The following SPATA21 variants were observed in gnomAD, a reference collection of about 807,000 sequenced individuals.
SPATA21 encodes spermatogenesis-associated protein 21.
SPATA21 carries 47 observed loss-of-function variants against 54.8 expected under a neutral mutation model. The ratio of observed to expected loss-of-function variants is 0.86; its 90% CI spans 0.68 to 1.09. The LOEUF (loss-of-function observed/expected upper bound fraction) is 1.09. Among genes scored for constraint, SPATA21 ranks in the 50% least tolerant of loss-of-function variants. The pLI, the probability that SPATA21 is intolerant of heterozygous loss-of-function variation, is 0.00. For missense variants in SPATA21, 599 were observed against 596.4 expected, an observed-to-expected ratio of 1.00 and a Z score of -0.05; for synonymous variants, 245 against 235.3, an observed-to-expected ratio of 1.04 and a Z score of -0.38.
intron 5 of SPATA21, among the ~76,000 whole-genome samples, chr1:16,417,266 C>CTT (rs200976360): frequency 1.3e-5 from 2 of 151,416 alleles, no homozygotes; most frequent in African/African-American, 2.4e-5. Flanking sequence ...TTTTCTTTGC[C>CTT]TTTTTTCTTT....
chr1:16,417,408 G>A (rs1336744266), intron 5 of SPATA21, among the ~76,000 whole-genome samples: 1 of 150,224 alleles, frequency 6.7e-6, no homozygotes, highest in Non-Finnish European at 1.5e-5. Context: ...ACAGGTGCCT[G>A]CCACCATGCC....
intron 12 of SPATA21, among the ~76,000 whole-genome samples, chr1:16,399,059 A>G (rs2085363626): frequency 6.6e-6 from 1 of 152,186 alleles, no homozygotes; most frequent in Admixed American, 6.5e-5. Context: ...ACAGTCTGCT[A>G]GTCCTAATAT....
intron 1 of SPATA21, among the ~76,000 whole-genome samples, chr1:16,433,548 T>G (rs937488750): frequency 2.6e-5 from 4 of 152,132 alleles, no homozygotes; most frequent in Admixed American, 6.5e-5. Context: ...CCTACGCCCC[T>G]CAAACACACC....
Position 16,403,822 on chromosome 1 carries a change from C to T in SPATA21, c.906G>A (p.Met302Ile). The T allele has an allele frequency of 6.2e-7, 1 of 1,610,570 alleles. No homozygotes were observed. The highest frequency in any genetic ancestry group is 1.1e-5 in the South Asian group (1 of 90,484). The change falls in exon 10 of 13, where the codon ATG (methionine) becomes ATA (isoleucine). Residue 302 changes from methionine (M) to isoleucine (I), a missense_variant. Physicochemically the swap from Met to Ile is conservative, Grantham distance 10 (BLOSUM62 1). Transcript: ENST00000335496. ...GTAGAGTGTGGGGGTTGTGGGGAGC[C>T]ATGTCCGACAGGGCGTTCTGTTCTG... ...CSVEQNALSD[M>I]APHNPHTLLF...
In SPATA21 at chr1:16,428,595, C is replaced by T. The variant is rs769821743; in HGVS notation, c.34+2743G>A. Among the ~76,000 whole-genome samples the T allele has an allele frequency of 1.3e-5, 2 of 151,642 alleles. No homozygotes were observed. The highest frequency in any genetic ancestry group is 2.9e-5 in the Non-Finnish European group (2 of 67,938). ...TTTTTTTTGTAGGCCAGGCTGGTCT[C>T]GAACTTCTGACCTCAAGTGATCCGT... On this transcript the variant is annotated intron_variant, in intron 3 of 12. Coordinates refer to ENST00000335496, the MANE Select transcript of SPATA21 (RefSeq NM_198546.1). This position sits in a 1 kb window ranked among gnomAD's most constrained non-coding sequence, Gnocchi z 4.3.
At chr1:16,435,970 C>T (rs936258203) in intron 1 of SPATA21, among the ~76,000 whole-genome samples, 7 of 152,074 alleles carry the variant, frequency 4.6e-5, no homozygotes, top group Non-Finnish European at 8.8e-5. Context: ...TCCCATTTAT[C>T]GGCCTGGTGC....
upstream of SPATA21, chr1:16,437,427 C>T (rs948650624): frequency 1.3e-5 from 2 of 152,218 alleles, no homozygotes; most frequent in Non-Finnish European, 2.9e-5. Flanking sequence ...GGTTCAGTGG[C>T]CCCCATTACA....
In SPATA21 at chr1:16,405,029, A is replaced by T. The variant is rs1324834876; in HGVS notation, c.749T>A (p.Leu250Gln). Residue 250 changes from leucine (L) to glutamine (Q), a missense_variant, in exon 8 of 13, where the codon CTA becomes CAA. Transcript: ENST00000335496. ...GGCCAGCGTCACAGAGAAGCCCATT[A>T]GGAGCAGGATATTCTTCAGGCTCTG... ...DAQSLKNILL[L>Q]MGFSVTLAQV... 1.2e-6 allele frequency: 2 copies of T among 1,609,566 alleles called. No homozygotes were observed. The highest frequency in any genetic ancestry group is 1.7e-6 in the Non-Finnish European group (2 of 1,178,616).
Position 16,428,016 on chromosome 1 carries a change from C to T in SPATA21, c.34+3322G>A. On this transcript the variant is annotated intron_variant, in intron 3 of 12. Coordinates refer to ENST00000335496, the MANE Select transcript of SPATA21 (RefSeq NM_198546.1). This position sits in a 1 kb window ranked among gnomAD's most constrained non-coding sequence, Gnocchi z 4.3. ...CTTCCGAAGCATCCGGAAACATGAC[C>T]TGGACAGAGATATCCATGGCAGTGG... 6.5e-7 allele frequency: 1 copy of T among 1,548,218 alleles called. No homozygotes were observed. The highest frequency in any genetic ancestry group is 8.7e-7 in the Non-Finnish European group (1 of 1,145,194).
chr1:16,408,030 G>A (rs879761249), intron 7 of SPATA21, among the ~76,000 whole-genome samples: 3 of 128,110 alleles, frequency 2.3e-5, no homozygotes, highest in Non-Finnish European at 5.4e-5. Flanking sequence ...GGCTCCCAAA[G>A]TGCTGGGATT....
At chr1:16,420,954 CA>C (rs1382976817) in intron 5 of SPATA21, among the ~76,000 whole-genome samples, 1 of 152,110 alleles carries the variant, frequency 6.6e-6, no homozygotes, top group Non-Finnish European at 1.5e-5. Context: ...TTAAGCTGCT[CA>C]ACATGGGTAC....
chr1:16,398,791 T>C lies in SPATA21; in HGVS notation c.1384A>G (p.Ser462Gly), dbSNP rs201738222. Residue 462 changes from serine (S) to glycine (G), a missense_variant, in exon 13 of 13, where the codon AGC becomes GGC. By Grantham distance (56) the Ser-to-Gly change is moderately conservative. Transcript: ENST00000335496. ...CAGTGGGTTCGAGCTGGCACAGAGC[T>C]GAGCCACTTTCTGCTGTCAGAGTTG... Reference protein sequence around the residue: ...EHNSDSRKWLSSVPARTH With the variant: ...EHNSDSRKWLGSVPARTH 10 of 1,613,636 alleles carry C rather than the reference T, an allele frequency of 6.2e-6. No individual in the cohort carries two copies. The highest frequency in any genetic ancestry group is 5.1e-6 in the Non-Finnish European group (6 of 1,179,782).
intron 7 of SPATA21, chr1:16,408,599 G>T: frequency 2.2e-6 from 2 of 920,872 alleles, no homozygotes; most frequent in Non-Finnish European, 2.6e-6. Flanking sequence ...GAGGCTGGGC[G>T]CGGTGGCTCA....
chr1:16,423,290 G>A (rs1361163496), intron 3 of SPATA21, among the ~76,000 whole-genome samples: 3 of 149,750 alleles, frequency 2.0e-5, no homozygotes, highest in Non-Finnish European at 4.4e-5. Context: ...GTACGTGCCT[G>A]TAATCCCAGC....
At chr1:16,412,161 G>A (rs1187946604) in intron 5 of SPATA21, among the ~76,000 whole-genome samples, 4 of 152,034 alleles carry the variant, frequency 2.6e-5, no homozygotes, top group African/African-American at 9.7e-5. Context: ...GAGACCCAGG[G>A]ATTTGTCCTC....
intron 3 of SPATA21, among the ~76,000 whole-genome samples, chr1:16,424,422 T>A (rs981497803): frequency 2.6e-5 from 4 of 151,550 alleles, no homozygotes; most frequent in African/African-American, 9.7e-5. Context: ...TTTATTTTTT[T>A]ATTTTTATTT....
intron 8 of SPATA21, 118 bp downstream of exon 8, chr1:16,404,849 T>C (rs957610654): frequency 6.1e-6 from 7 of 1,146,310 alleles, no homozygotes; most frequent in Non-Finnish European, 7.0e-6. Context: ...ACTGTGACAG[T>C]AGAGCATTAA....
intron 10 of SPATA21, among the ~76,000 whole-genome samples, chr1:16,403,339 G>GC (rs1386878491): frequency 6.6e-6 from 1 of 152,194 alleles, no homozygotes; most frequent in Non-Finnish European, 1.5e-5. Flanking sequence ...CTCAAAGCCA[G>GC]TGCGCACAGA....
chr1:16,423,394 C>T (rs1269594582), intron 3 of SPATA21, among the ~76,000 whole-genome samples: 2 of 110,406 alleles, frequency 1.8e-5, no homozygotes, highest in Admixed American at 1.2e-4. Flanking sequence ...GCCTGGGCAA[C>T]AGGGTGAGAC....
Sources: allele counts gnomAD v4.1 joint callset (sites outside exome capture counted in the v4.1 genomes callset), GRCh38; gene constraint gnomAD v4.1.1; non-coding constraint Gnocchi (gnomAD v3.1); transcripts MANE v1.5; gene names NCBI Gene and HGNC (gene_info 2026-07-23, HGNC 2026-07-21).